Variants in SLC9B1 observed in about 807,000 individuals in gnomAD.
SLC9B1 encodes the protein solute carrier family 9 member B1.
SLC9B1 carries 32 observed loss-of-function variants against 51.7 expected under a neutral mutation model. The ratio of observed to expected loss-of-function variants is 0.62; its 90% CI spans 0.47 to 0.83. The LOEUF is 0.83. Among genes scored for constraint, SLC9B1 ranks in the 40% least tolerant of loss-of-function variants. The pLI is 0.00. For synonymous variants in SLC9B1, 145 were observed against 212.7 expected, an observed-to-expected ratio of 0.68 and a Z score of 2.77; for missense variants, 406 against 613.2, an observed-to-expected ratio of 0.66 and a Z score of 3.57.
At chr4:102,916,361 G>A (rs1041018429) in intron 7 of SLC9B1, among the ~76,000 whole-genome samples, 4 of 152,052 alleles carry the variant, frequency 2.6e-5, no homozygotes, top group African/African-American at 9.7e-5. Flanking sequence ...AATAATAAAA[G>A]GGCCAATTGA....
At chr4:102,980,225 C>G (rs1739283810) in intron 3 of SLC9B1, among the ~76,000 whole-genome samples, 1 of 152,108 alleles carries the variant, frequency 6.6e-6, no homozygotes, top group African/African-American at 2.4e-5. Flanking sequence ...TACCATTTGA[C>G]CCAGCAATCC....
intron 1 of SLC9B1, among the ~76,000 whole-genome samples, chr4:102,992,542 C>T (rs566886126): frequency 2.8e-4 from 43 of 152,186 alleles, no homozygotes; most frequent in African/African-American, 9.6e-4. Flanking sequence ...GAGTAGCTAC[C>T]ATATGCTAGC....
At chr4:102,988,788 G>C (rs1739795630) in intron 3 of SLC9B1, among the ~76,000 whole-genome samples, 1 of 152,052 alleles carries the variant, frequency 6.6e-6, no homozygotes, top group Non-Finnish European at 1.5e-5. Flanking sequence ...AGGGGGAAAT[G>C]AGTTATATCT....
At chr4:102,941,562 C>A (rs1434746389) in intron 6 of SLC9B1, 2 of 444,626 alleles carry the variant, frequency 4.5e-6, no homozygotes, top group Non-Finnish European at 8.9e-6. Context: ...ATTGCTTGAA[C>A]CTGGGAGGCA....
chr4:102,920,760 A>T (rs1355028853), intron 7 of SLC9B1, among the ~76,000 whole-genome samples: 1 of 150,750 alleles, frequency 6.6e-6, no homozygotes, highest in South Asian at 2.1e-4. Flanking sequence ...ACTTTGTGAC[A>T]CATGCACAAG....
intron 1 of SLC9B1, among the ~76,000 whole-genome samples, chr4:103,012,460 C>G (rs1424334140): frequency 2.6e-5 from 4 of 152,232 alleles, no homozygotes; most frequent in African/African-American, 9.6e-5. Context: ...TCCTCGTCTT[C>G]TGAACCTTCA....
At chr4:102,922,035 T>C (rs1735905921) in intron 7 of SLC9B1, among the ~76,000 whole-genome samples, 1 of 152,170 alleles carries the variant, frequency 6.6e-6, no homozygotes, top group Admixed American at 6.5e-5. Flanking sequence ...ATCCAGGACC[T>C]GAACTCAGCT....
intron 3 of SLC9B1, among the ~76,000 whole-genome samples, chr4:102,969,301 A>G (rs1304431200): frequency 6.6e-6 from 1 of 152,218 alleles, no homozygotes; most frequent in East Asian, 1.9e-4. Flanking sequence ...AGGATCAGGC[A>G]GCAATATTTG....
intron 7 of SLC9B1, among the ~76,000 whole-genome samples, chr4:102,929,781 C>T (rs1736361533): frequency 6.6e-6 from 1 of 152,210 alleles, no homozygotes. Flanking sequence ...TTTGGCCTCC[C>T]AAAGTGTTGG....
chr4:102,919,074 A>C (rs1482623671), intron 7 of SLC9B1, among the ~76,000 whole-genome samples: 1 of 152,178 alleles, frequency 6.6e-6, no homozygotes, highest in Non-Finnish European at 1.5e-5. Flanking sequence ...CCTGGCCCAC[A>C]AAACCATTTT....
rs756728874 is a variant in SLC9B1, at chr4:102,932,281, G to C, written c.672C>G (p.Val224=). The C allele has an allele frequency of 1.2e-5, 19 of 1,611,364 alleles. No homozygotes were observed. Among genetic ancestry groups the C allele is most frequent in the Non-Finnish European group, 1.6e-5 (19 of 1,179,696 alleles). The change falls in exon 7 of 12, where the codon GTC becomes GTG. Residue 224 remains valine (V), a synonymous_variant. Transcript: ENST00000296422. ...TGTAAGGGACAACAACAGCAGGAGA[G>C]ACAGCACCTAGAACAAAACTGAAAG... is the stretch of plus-strand genomic sequence containing the variant. ...AFLLGFVLGA[V]SPAVVVPYMM...
intron 1 of SLC9B1, among the ~76,000 whole-genome samples, chr4:103,001,431 C>T (rs540034397): frequency 4.2e-4 from 64 of 152,352 alleles, no homozygotes; most frequent in African/African-American, 8.2e-4. Context: ...ACCTCTTGAA[C>T]GCTTTGCTGC....
intron 1 of SLC9B1, among the ~76,000 whole-genome samples, chr4:103,000,403 A>C (rs1740457849): frequency 6.6e-6 from 1 of 152,222 alleles, no homozygotes; most frequent in Non-Finnish European, 1.5e-5. Context: ...GTCTTAATTC[A>C]TTCCAGCATT....
At position 103,019,681 on chromosome 4, in the gene SLC9B1, G is replaced by A. The variant is rs1037516483; in HGVS notation, c.-84C>T. On this transcript the variant is annotated 5_prime_UTR_variant, in exon 1 of 12. Transcript: ENST00000296422. ...GTTGCGTAAGCCACGCGCCACCCAG[G>A]TGGGCAGGGTGGTGACGCGAAAGCC... The A allele has an allele frequency of 4.1e-6, 4 of 985,400 alleles. No individual in the cohort carries two copies. The highest frequency in any genetic ancestry group is 4.8e-6 in the Non-Finnish European group (4 of 829,988). 61.0% of individuals were successfully genotyped at this position (985,400 alleles called of 1,614,324 possible).
chr4:102,939,637 T>C (rs549457388), intron 6 of SLC9B1, among the ~76,000 whole-genome samples: 1 of 152,280 alleles, frequency 6.6e-6, no homozygotes, highest in Non-Finnish European at 1.5e-5. Flanking sequence ...CTGATGATCA[T>C]AGATGCAAAA....
At chr4:103,004,043 C>T (rs1347478946) in intron 1 of SLC9B1, among the ~76,000 whole-genome samples, 1 of 152,216 alleles carries the variant, frequency 6.6e-6, no homozygotes, top group African/African-American at 2.4e-5. Context: ...GCCCGAGTAT[C>T]TTCTTACCTC....
chr4:102,978,216 C>A (rs1739177307), intron 3 of SLC9B1, among the ~76,000 whole-genome samples: 1 of 152,160 alleles, frequency 6.6e-6, no homozygotes, highest in South Asian at 2.1e-4. Flanking sequence ...CATTGTTGGA[C>A]ATTTGGCTTG....
At chr4:102,998,402 A>G (rs1740338455) in intron 1 of SLC9B1, among the ~76,000 whole-genome samples, 1 of 152,170 alleles carries the variant, frequency 6.6e-6, no homozygotes, top group Admixed American at 6.5e-5. Flanking sequence ...ATATGCATTT[A>G]TATGTATATA....
chr4:102,986,161 G>T (rs1014430912), intron 3 of SLC9B1, among the ~76,000 whole-genome samples: 4 of 151,786 alleles, frequency 2.6e-5, no homozygotes, highest in Admixed American at 6.6e-5. Flanking sequence ...TGGCACAAAA[G>T]TTCTTCAATT....
Sources: gnomAD v4.1 joint callset for allele counts (sites outside exome capture counted in the v4.1 genomes callset) on GRCh38, gnomAD v4.1.1 for gene constraint, MANE v1.5 for transcripts, NCBI Gene and HGNC (gene_info 2026-07-23, HGNC 2026-07-21) for gene names.